NDUFA10: variants seen among roughly 807,000 people sequenced by gnomAD.
NDUFA10 encodes NADH dehydrogenase [ubiquinone] 1 alpha subcomplex subunit 10, mitochondrial.
NDUFA10 carries 40 observed loss-of-function variants against 47.8 expected under a neutral mutation model. The observed-to-expected ratio is 0.84, with a 90% CI of 0.65 to 1.09. The LOEUF is 1.09. Among genes scored for constraint, NDUFA10 ranks in the 50% least tolerant of loss-of-function variants. NDUFA10 has a pLI of 0.00. For missense variants in NDUFA10, 413 were observed against 451.1 expected (o/e 0.92, Z 0.76); for synonymous variants, 183 against 172.2 (o/e 1.06, Z -0.49).
chr2:239,960,636 A>G lies in NDUFA10; in HGVS notation c.*482T>C. On this transcript the variant is annotated 3_prime_UTR_variant, in exon 10 of 10. Coordinates refer to ENST00000252711, the MANE Select transcript of NDUFA10 (RefSeq NM_004544.4). ...TAGAAAAACTCTTCAGCATAATGTA[A>G]GCCTCAATTAAACCACACCACACCA... 9.5e-7 allele frequency: 1 copy of G among 1,048,564 alleles called. No homozygotes were observed. The highest frequency in any genetic ancestry group is 1.2e-6 in the Non-Finnish European group (1 of 866,096). 65.0% of individuals were successfully genotyped at this position (1,048,564 alleles called of 1,614,324 possible).
At position 239,945,454 on chromosome 2, in the gene NDUFA10, G is replaced by C. The variant is rs1001724079; in HGVS notation, c.294+44620C>G. The stretch of plus-strand genomic sequence containing the variant: ...TTTCAAAGACGCTGGGAGGCCCCTC[G>C]GGGGAAGAGCGGACACCCCAACCGG... On this transcript the variant is annotated intron_variant, in intron 4 of 5. Transcript: ENST00000419408. This position sits in a 1 kb window ranked among gnomAD's most constrained non-coding sequence, Gnocchi z 4.6. Among the ~76,000 whole-genome samples, 18 of 152,100 alleles carry C rather than the reference G, an allele frequency of 1.2e-4. No individual in the cohort carries two copies. Among genetic ancestry groups the C allele is most frequent in the African/African-American group, 3.9e-4 (16 of 41,424 alleles).
At chr2:239,973,586 G>A (rs767292304) in intron 9 of NDUFA10, 3 of 470,920 alleles carry the variant, frequency 6.4e-6, no homozygotes, top group Non-Finnish European at 4.4e-6. Flanking sequence ...TCAGCTTCAA[G>A]GAGGGAACGA....
At chr2:239,978,903 G>C (rs979958580) in intron 9 of NDUFA10, among the ~76,000 whole-genome samples, 2 of 152,132 alleles carry the variant, frequency 1.3e-5, no homozygotes, top group African/African-American at 4.8e-5. Flanking sequence ...CCTAAAAAAG[G>C]AGTTTCTGCT....
In NDUFA10 at chr2:239,915,482, AACAC is replaced by A. The variant is rs140473399; in HGVS notation, c.295-20172_295-20169del. Among the ~76,000 whole-genome samples, 5 of 122,608 alleles carry A rather than the reference AACAC, an allele frequency of 4.1e-5. 1 individual carries two copies. The highest frequency in any genetic ancestry group is 2.6e-4 in the South Asian group (1 of 3,806). 80.4% of individuals were successfully genotyped at this position (122,608 alleles called of 152,430 possible). On this transcript the variant is annotated intron_variant, in intron 4 of 5. Transcript: ENST00000419408. The stretch of plus-strand genomic sequence containing the variant: ...GATACACATACATACACACACACAG[AACAC>A]ACACACAGACACACACAAATATACA...
chr2:239,959,234 C>T lies in NDUFA10; in HGVS notation c.*1884G>A. On this transcript the variant is annotated 3_prime_UTR_variant, in exon 10 of 10. Coordinates refer to ENST00000252711, the MANE Select transcript of NDUFA10 (RefSeq NM_004544.4). The stretch of plus-strand genomic sequence containing the variant: ...ATGATCAGAGCACCCGAGTCCACAC[C>T]ATGCCGACACGGAGCCCTGCATGGT... The T allele has an allele frequency of 1.0e-6, 1 of 985,450 alleles. No homozygotes were observed. Among genetic ancestry groups the T allele is most frequent in the Non-Finnish European group, 1.2e-6 (1 of 829,948 alleles). 61.0% of individuals were successfully genotyped at this position (985,450 alleles called of 1,614,324 possible).
downstream of NDUFA10, among the ~76,000 whole-genome samples, chr2:239,954,487 C>T (rs1205661920): frequency 6.6e-6 from 1 of 152,264 alleles, no homozygotes; most frequent in African/African-American, 2.4e-5. Flanking sequence ...TCAGAGACCC[C>T]AGTGAAGCTC....
intron 4 of NDUFA10, among the ~76,000 whole-genome samples, chr2:239,912,993 G>A (rs1693780978): frequency 6.6e-6 from 1 of 152,216 alleles, no homozygotes; most frequent in Non-Finnish European, 1.5e-5. Flanking sequence ...CTTTCCTTCT[G>A]TGGAAAGCAA....
In NDUFA10 at chr2:239,928,621, G is replaced by T. The variant is rs1463062385; in HGVS notation, c.295-33307C>A. ...CTCTCCCCACAGGTGACCTCATCCA[G>T]GGCCCTGGGGGACACTCTCACCTGT... On this transcript the variant is annotated intron_variant, in intron 4 of 5. Transcript: ENST00000419408. This position sits in a 1 kb window ranked among gnomAD's most constrained non-coding sequence, Gnocchi z 4.3. Among the ~76,000 whole-genome samples, 1 of 152,128 alleles carries T rather than the reference G, an allele frequency of 6.6e-6. No individual in the cohort carries two copies. Among genetic ancestry groups the T allele is most frequent in the East Asian group, 1.9e-4 (1 of 5,170 alleles).
intron 4 of NDUFA10, among the ~76,000 whole-genome samples, chr2:239,895,666 C>T (rs905129976): frequency 6.6e-6 from 1 of 152,162 alleles, no homozygotes; most frequent in East Asian, 1.9e-4. Context: ...TGTGCAATGT[C>T]AGTTTTAAAT....
chr2:239,916,691 G>A (rs918038927), intron 4 of NDUFA10, among the ~76,000 whole-genome samples: 6 of 152,264 alleles, frequency 3.9e-5, no homozygotes, highest in South Asian at 2.1e-4. Context: ...TGCGAGGGCC[G>A]CTCTCTGCTC....
chr2:240,021,067 G>A (rs1697598732), intron 3 of NDUFA10, 130 bp downstream of exon 3: 1 of 755,444 alleles, frequency 1.3e-6, no homozygotes, highest in African/African-American at 1.7e-5. Context: ...TCATGATCTT[G>A]TTGGAAAGAC....
Position 239,961,031 on chromosome 2 carries a change from G to C in NDUFA10, c.*87C>G. The C allele has an allele frequency of 6.3e-7, 1 of 1,597,846 alleles. No individual in the cohort carries two copies. Among genetic ancestry groups the C allele is most frequent in the Non-Finnish European group, 8.5e-7 (1 of 1,172,758 alleles). On this transcript the variant is annotated 3_prime_UTR_variant, in exon 10 of 10. Transcript: ENST00000252711. ...ATTTTTGCATTATTTACCCTCCCCC[G>C]ATCTTAAAGCTATATGGCGTCCAGG...
intron 4 of NDUFA10, among the ~76,000 whole-genome samples, chr2:239,899,971 G>A (rs1693514237): frequency 6.6e-6 from 1 of 151,908 alleles, no homozygotes; most frequent in South Asian, 2.1e-4. Context: ...CATTATCTGG[G>A]TGGGCACCAT....
chr2:239,997,626 AG>A (rs1696536111), intron 8 of NDUFA10, among the ~76,000 whole-genome samples: 1 of 152,222 alleles, frequency 6.6e-6, no homozygotes, highest in Admixed American at 6.5e-5. Flanking sequence ...TTGAACAAGA[AG>A]GGGTACTACA....
rs757514522 is a variant in NDUFA10 at position 240,007,302 on chromosome 2, A to G, written c.804+14T>C. The G allele has an allele frequency of 1.3e-6, 2 of 1,570,308 alleles. No homozygotes were observed. The highest frequency in any genetic ancestry group is 1.8e-6 in the Non-Finnish European group (2 of 1,140,714). ...ATGTAGGAATAACTTTCAACTTTTC[A>G]ACCATTTTCTTACCTTTTTTGAATC... On this transcript the variant is annotated intron_variant, in intron 7 of 9. Coordinates refer to ENST00000252711, the MANE Select transcript of NDUFA10 (RefSeq NM_004544.4).
chr2:239,920,822 G>A (rs537548948), intron 4 of NDUFA10, among the ~76,000 whole-genome samples: 11 of 152,262 alleles, frequency 7.2e-5, no homozygotes, highest in Non-Finnish European at 1.6e-4. Flanking sequence ...AGATGCAGAT[G>A]AACACAGTTC....
chr2:239,926,969 A>T (rs985574259), intron 4 of NDUFA10, among the ~76,000 whole-genome samples: 1 of 152,120 alleles, frequency 6.6e-6, no homozygotes, highest in Non-Finnish European at 1.5e-5. Flanking sequence ...TCTCTTTATA[A>T]AACCACCAGA....
At chr2:239,979,997 C>A (rs1009632310) in intron 9 of NDUFA10, among the ~76,000 whole-genome samples, 1 of 151,960 alleles carries the variant, frequency 6.6e-6, no homozygotes, top group African/African-American at 2.4e-5. Flanking sequence ...ATCCCTCACT[C>A]CCCTGTGGCG....
intron 5 of NDUFA10, chr2:240,013,520 T>A (rs903795198): frequency 9.9e-5 from 15 of 152,254 alleles, no homozygotes; most frequent in Non-Finnish European, 2.2e-4. Context: ...AACTTGCAGT[T>A]CCCTCCTTTT....
Sources: gnomAD v4.1 joint callset for allele counts (sites outside exome capture counted in the v4.1 genomes callset) on GRCh38, gnomAD v4.1.1 for gene constraint, Gnocchi (gnomAD v3.1) non-coding constraint, MANE v1.5 for transcripts, NCBI Gene and HGNC (gene_info 2026-07-23, HGNC 2026-07-21) for gene names.